Variants in GALNT14 observed in about 807,000 individuals in gnomAD.
GALNT14 encodes the protein polypeptide N-acetylgalactosaminyltransferase 14.
In GALNT14, 60 loss-of-function variants were observed where a neutral mutation model predicts 77.5. The ratio of observed to expected loss-of-function variants is 0.77; its 90% confidence interval spans 0.63 to 0.96. The LOEUF is 0.96. Among genes scored for constraint, GALNT14 ranks in the 40% least tolerant of loss-of-function variants. GALNT14 has a pLI of 0.00. For synonymous variants in GALNT14, 280 were observed against 281.7 expected, an observed-to-expected ratio of 0.99 and a Z score of 0.06; for missense variants, 710 against 731.0, an observed-to-expected ratio of 0.97 and a Z score of 0.33.
intron 1 of GALNT14, among the ~76,000 whole-genome samples, chr2:31,049,080 T>C (rs1001581354): frequency 6.6e-6 from 1 of 152,150 alleles, no homozygotes; most frequent in Non-Finnish European, 1.5e-5. Flanking sequence ...TCCCTCGAGG[T>C]CCCGTAACGT....
At chr2:30,988,755 G>A (rs928180684) in intron 2 of GALNT14, among the ~76,000 whole-genome samples, 2 of 152,188 alleles carry the variant, frequency 1.3e-5, no homozygotes, top group African/African-American at 2.4e-5. Flanking sequence ...AGCTCTTGCC[G>A]AGACACAATC....
chr2:31,004,958 C>T (rs1308035618), intron 1 of GALNT14, among the ~76,000 whole-genome samples: 2 of 152,110 alleles, frequency 1.3e-5, no homozygotes, highest in South Asian at 2.1e-4. Context: ...GAAATGTGAG[C>T]GAGAGTGGAT....
At chr2:31,133,072 A>G (rs967698901) in intron 1 of GALNT14, among the ~76,000 whole-genome samples, 12 of 152,148 alleles carry the variant, frequency 7.9e-5, no homozygotes, top group African/African-American at 2.9e-4. Flanking sequence ...CTACCAATCA[A>G]TACTTCCCAC....
At chr2:31,070,346 A>G (rs1362963975) in intron 1 of GALNT14, among the ~76,000 whole-genome samples, 1 of 152,202 alleles carries the variant, frequency 6.6e-6, no homozygotes, top group Non-Finnish European at 1.5e-5. Flanking sequence ...CCTCTGGAAG[A>G]AACCTAGACA....
chr2:30,904,151 T>G, the GALNT14 span, among the ~76,000 whole-genome samples: 1 of 152,120 alleles, frequency 6.6e-6, no homozygotes, highest in South Asian at 2.1e-4. Flanking sequence ...AGTTAGACAA[T>G]TCCCCAGAAT....
In GALNT14 at chr2:31,071,098, G is replaced by A. The variant is rs143922102; in HGVS notation, c.129+66860C>T. On this transcript the variant is annotated intron_variant, in intron 1 of 14. Coordinates refer to ENST00000349752, the MANE Select transcript of GALNT14 (RefSeq NM_024572.4). ...GACAGAATGGACTTTGGGGACTCGG[G>A]GAAAGGCTGGGAAGAGGGTAAGGGA... Among the ~76,000 whole-genome samples the A allele has an allele frequency of 1.5e-3, 223 of 152,258 alleles. 2 individuals are homozygous for A. The highest frequency in any genetic ancestry group is 5.0e-3 in the African/African-American group (207 of 41,562).
At chr2:31,105,205 G>T (rs1388754836) in intron 1 of GALNT14, among the ~76,000 whole-genome samples, 1 of 152,048 alleles carries the variant, frequency 6.6e-6, no homozygotes, top group Admixed American at 6.6e-5. Context: ...TATTCAATAG[G>T]TTGTAATCTA....
chr2:30,986,214 C>T (rs1238074973), intron 2 of GALNT14, among the ~76,000 whole-genome samples: 1 of 152,198 alleles, frequency 6.6e-6, no homozygotes, highest in Non-Finnish European at 1.5e-5. Context: ...TGGAAGAAAA[C>T]ACACAGACCC....
At chr2:31,001,335 G>C (rs1311221127) in intron 1 of GALNT14, among the ~76,000 whole-genome samples, 1 of 152,092 alleles carries the variant, frequency 6.6e-6, no homozygotes, top group Admixed American at 6.5e-5. Context: ...GTGAAGCCAG[G>C]AAAAAAATAC....
chr2:31,109,598 A>G (rs373509193), intron 1 of GALNT14, among the ~76,000 whole-genome samples: 24 of 152,342 alleles, frequency 1.6e-4, no homozygotes, highest in African/African-American at 5.3e-4. Context: ...ACAGACATAG[A>G]GACACTCACA....
intron 1 of GALNT14, among the ~76,000 whole-genome samples, 158 bp downstream of exon 1, chr2:31,137,800 C>G (rs1422373587): frequency 2.6e-5 from 4 of 152,194 alleles, no homozygotes; most frequent in Non-Finnish European, 5.9e-5. Flanking sequence ...GTTTTAAAAT[C>G]CAGAAACATC....
rs149632813 is a variant in GALNT14, at chr2:30,955,301, C to T, written c.654+317G>A. On this transcript the variant is annotated intron_variant, in intron 6 of 14. Transcript: ENST00000349752. ...TCCCATTCTGGAACCTTCTGCTCTC[C>T]GGTAGAACCGGTTCTGGGCAGTTCA... 5.0e-3 allele frequency among the ~76,000 whole-genome samples: 759 copies of T among 152,276 alleles called. 6 individuals carry two copies. Among genetic ancestry groups the T allele is most frequent in the African/African-American group, 0.018 (730 of 41,562 alleles).
At chr2:31,078,937 A>G (rs1413740646) in intron 1 of GALNT14, 1 of 1,289,360 alleles carries the variant, frequency 7.8e-7, no homozygotes, top group African/African-American at 1.5e-5. Flanking sequence ...GACTCACTGG[A>G]CACGACTCAT....
chr2:31,053,786 G>A (rs569075703), intron 1 of GALNT14, among the ~76,000 whole-genome samples: 26 of 152,228 alleles, frequency 1.7e-4, no homozygotes, highest in African/African-American at 5.1e-4. Context: ...GCTTTCTAAC[G>A]AGAGACATAG....
intron 1 of GALNT14, among the ~76,000 whole-genome samples, chr2:31,116,746 T>C (rs1342403258): frequency 1.3e-5 from 2 of 152,038 alleles, no homozygotes; most frequent in Non-Finnish European, 2.9e-5. Flanking sequence ...TATATAACCA[T>C]CAAATAAAGA....
intron 1 of GALNT14, among the ~76,000 whole-genome samples, chr2:31,033,592 T>C (rs886425124): frequency 1.3e-5 from 2 of 152,292 alleles, no homozygotes; most frequent in South Asian, 4.2e-4. Context: ...CTCTCTTTCA[T>C]GTCTCAGGTA....
At chr2:30,982,682 G>A (rs1450489485) in intron 2 of GALNT14, among the ~76,000 whole-genome samples, 1 of 152,144 alleles carries the variant, frequency 6.6e-6, no homozygotes, top group Non-Finnish European at 1.5e-5. Context: ...GTGGCTTCTG[G>A]CAAACACAGA....
In GALNT14 at chr2:30,975,462, A is replaced by T. The variant is rs536330045; in HGVS notation, c.300-9160T>A. Among the ~76,000 whole-genome samples the T allele has an allele frequency of 2.2e-3, 335 of 152,348 alleles. 1 individual carries two copies. Among genetic ancestry groups the T allele is most frequent in the African/African-American group, 7.6e-3 (316 of 41,580 alleles). On this transcript the variant is annotated intron_variant, in intron 2 of 14. Transcript: ENST00000349752. ...AAATGTAAAATATGCCCAAGATGTC[A>T]AGCACTTAGTATGAAACAAAGGTGA...
chr2:31,127,543 A>C (rs1241764475), intron 1 of GALNT14, among the ~76,000 whole-genome samples: 1 of 152,220 alleles, frequency 6.6e-6, no homozygotes, highest in Non-Finnish European at 1.5e-5. Context: ...ACCTAAAAAC[A>C]AAACAAAACA....
Sources: gnomAD v4.1 joint callset for allele counts (sites outside exome capture counted in the v4.1 genomes callset) on GRCh38, gnomAD v4.1.1 for gene constraint, MANE v1.5 for transcripts, NCBI Gene and HGNC (gene_info 2026-07-23, HGNC 2026-07-21) for gene names.